The following RNF6 variants were observed in gnomAD, a reference collection of about 807,000 sequenced individuals.
The protein encoded by RNF6 is E3 ubiquitin-protein ligase RNF6.
In RNF6, 21 loss-of-function variants were observed where a neutral mutation model predicts 50.1. The ratio of observed to expected loss-of-function variants is 0.42; its 90% CI spans 0.30 to 0.60. The LOEUF is 0.60. Ranked by LOEUF, RNF6 falls within the 20% of genes least tolerant of loss-of-function variation. The pLI, the probability that RNF6 is intolerant of heterozygous loss-of-function variation, is 0.20. For synonymous variants in RNF6, 255 were observed against 291.8 expected, an observed-to-expected ratio of 0.87 and a Z score of 1.29; for missense variants, 698 against 838.2, an observed-to-expected ratio of 0.83 and a Z score of 2.07.
At chr13:26,198,646 G>C (rs1263403227) in intron 5 of RNF6, among the ~76,000 whole-genome samples, 1 of 151,790 alleles carries the variant, frequency 6.6e-6, no homozygotes, top group Non-Finnish European at 1.5e-5. Flanking sequence ...GAAGGTCCTA[G>C]ATAGTGTTAA....
At chr13:26,136,869 C>T (rs1010627192) in intron 5 of RNF6, among the ~76,000 whole-genome samples, 5 of 152,126 alleles carry the variant, frequency 3.3e-5, no homozygotes, top group South Asian at 4.2e-4. Context: ...TTTTCAAAGC[C>T]GTGAAAATGA....
intron 5 of RNF6, among the ~76,000 whole-genome samples, chr13:26,166,164 C>T (rs1872442298): frequency 6.6e-6 from 1 of 152,124 alleles, no homozygotes; most frequent in Non-Finnish European, 1.5e-5. Flanking sequence ...GGGGAGTTTC[C>T]CTGCACAATC....
chr13:26,151,825 C>T (rs1219549319), intron 5 of RNF6, among the ~76,000 whole-genome samples: 1 of 152,138 alleles, frequency 6.6e-6, no homozygotes, highest in Non-Finnish European at 1.5e-5. Flanking sequence ...ATCGCTTACG[C>T]GCTCAATGAA....
chr13:26,185,155 C>T (rs1348509339), intron 5 of RNF6, among the ~76,000 whole-genome samples: 1 of 151,990 alleles, frequency 6.6e-6, no homozygotes, highest in Non-Finnish European at 1.5e-5. Context: ...CACCACCATG[C>T]CCGGCTAATT....
intron 5 of RNF6, among the ~76,000 whole-genome samples, chr13:26,182,940 G>C (rs1873311132): frequency 6.6e-6 from 1 of 152,240 alleles, no homozygotes; most frequent in South Asian, 2.1e-4. Context: ...TGGGAACATT[G>C]AGTTAGCATG....
At chr13:26,194,755 G>A (rs1395748987) in intron 5 of RNF6, among the ~76,000 whole-genome samples, 1 of 152,162 alleles carries the variant, frequency 6.6e-6, no homozygotes, top group East Asian at 1.9e-4. Context: ...CAAAACTGAA[G>A]AACTTGGAGT....
intron 5 of RNF6, among the ~76,000 whole-genome samples, chr13:26,187,281 G>GTTCCC (rs369867699): frequency 6.6e-6 from 1 of 152,160 alleles, no homozygotes. Context: ...AAGGGGGAAA[G>GTTCCC]CCCTGGAAAA....
chr13:26,207,371 G>A (rs923132553), intron 5 of RNF6, among the ~76,000 whole-genome samples: 4 of 152,092 alleles, frequency 2.6e-5, no homozygotes, highest in Non-Finnish European at 5.9e-5. Context: ...AAATTAACAG[G>A]GACAGCTGAG....
intron 5 of RNF6, among the ~76,000 whole-genome samples, chr13:26,181,740 G>T (rs1472500900): frequency 2.6e-5 from 4 of 152,168 alleles, no homozygotes; most frequent in Admixed American, 6.5e-5. Context: ...ATGCTCCAAT[G>T]CTTTTCTATG....
chr13:26,199,865 G>A (rs911451936), intron 5 of RNF6, among the ~76,000 whole-genome samples: 1 of 152,180 alleles, frequency 6.6e-6, no homozygotes, highest in African/African-American at 2.4e-5. Context: ...AACCCACAAT[G>A]TGATAGTATT....
intron 5 of RNF6, among the ~76,000 whole-genome samples, chr13:26,156,037 A>T (rs1206325662): frequency 3.3e-5 from 5 of 151,020 alleles, no homozygotes; most frequent in Non-Finnish European, 5.9e-5. Context: ...ACTGTGGCCA[A>T]ATATACATTA....
intron 2 of RNF6, among the ~76,000 whole-genome samples, chr13:26,220,009 T>C (rs1285109846): frequency 6.6e-6 from 1 of 152,228 alleles, no homozygotes; most frequent in African/African-American, 2.4e-5. Flanking sequence ...TGTTTCAGGA[T>C]CTGGGTACTT....
intron 5 of RNF6, among the ~76,000 whole-genome samples, chr13:26,159,941 C>A (rs1011371554): frequency 2.0e-5 from 3 of 152,080 alleles, no homozygotes; most frequent in African/African-American, 7.2e-5. Context: ...TTAAAGAAGT[C>A]AATTCCTTAT....
rs1228626855 is a variant in RNF6, at chr13:26,213,738, G to A, written c.*86C>T. 9.2e-7 allele frequency: 1 copy of A among 1,087,474 alleles called. No homozygotes were observed. Among genetic ancestry groups the A allele is most frequent in the East Asian group, 2.5e-5 (1 of 40,684 alleles). The allele number at this position is 1,087,474 out of a possible 1,614,324, so 67.4% of individuals were successfully genotyped here. ...TATATAATCTGTTATTTTTCATCCT[G>A]GTTAGCTAATCACAAATAACTCAGC... On this transcript the variant is annotated 3_prime_UTR_variant, in exon 5 of 5. Coordinates refer to ENST00000381588, the MANE Select transcript of RNF6 (RefSeq NM_005977.4).
At chr13:26,163,432 A>G (rs886219344) in intron 5 of RNF6, among the ~76,000 whole-genome samples, 5 of 152,198 alleles carry the variant, frequency 3.3e-5, no homozygotes, top group Non-Finnish European at 7.3e-5. Context: ...ATCTGTCAAT[A>G]CTTCAGAATA....
In RNF6 at chr13:26,188,530, A is replaced by C. The variant is rs143276399; in HGVS notation, n.768+26944T>G. Among the ~76,000 whole-genome samples, 825 of 150,864 alleles carry C rather than the reference A, an allele frequency of 5.5e-3. 3 individuals are homozygous for C. Among genetic ancestry groups the C allele is most frequent in the African/African-American group, 0.019 (785 of 41,172 alleles). On this transcript the variant is annotated intron_variant and non_coding_transcript_variant, in intron 5 of 5. Transcript: ENST00000468480. ...TCACTGCATAAGCCAGAAGCAGGTGACACACAGAAGTGAAGACTGAGGGGA... is the reference window on the plus strand; with the variant it reads ...TCACTGCATAAGCCAGAAGCAGGTGCCACACAGAAGTGAAGACTGAGGGGA...
At chr13:26,168,033 TG>T (rs1872531469) in intron 5 of RNF6, among the ~76,000 whole-genome samples, 1 of 151,992 alleles carries the variant, frequency 6.6e-6, no homozygotes, top group Non-Finnish European at 1.5e-5. Flanking sequence ...CAAGAGACAC[TG>T]GGGCCTACCT....
At chr13:26,186,128 C>A (rs1434577127) in intron 5 of RNF6, among the ~76,000 whole-genome samples, 1 of 152,198 alleles carries the variant, frequency 6.6e-6, no homozygotes. Flanking sequence ...TTCACCAAGG[C>A]GCCCATGTCA....
intron 5 of RNF6, among the ~76,000 whole-genome samples, chr13:26,190,749 C>G (rs1317769455): frequency 1.3e-5 from 2 of 152,158 alleles, no homozygotes; most frequent in African/African-American, 4.8e-5. Flanking sequence ...ATTCTAGGCT[C>G]CAGCAATAAA....
Sources: gnomAD v4.1 joint callset for allele counts (sites outside exome capture counted in the v4.1 genomes callset) on GRCh38, gnomAD v4.1.1 for gene constraint, MANE v1.5 for transcripts, NCBI Gene and HGNC (gene_info 2026-07-23, HGNC 2026-07-21) for gene names.